KCNH1: variants seen among roughly 807,000 people sequenced by gnomAD.
The protein encoded by KCNH1 is voltage-gated delayed rectifier potassium channel KCNH1.
A neutral mutation model predicts 69.2 loss-of-function variants in KCNH1; 27 were observed. That is an observed-to-expected ratio of 0.39 (90% CI 0.29 to 0.54). The LOEUF is 0.54. Among genes scored for constraint, KCNH1 ranks in the 20% least tolerant of loss-of-function variants. KCNH1 has a pLI of 0.68. For missense variants in KCNH1, 798 were observed against 1,261.6 expected, an observed-to-expected ratio of 0.63 and a Z score of 5.57; for synonymous variants, 456 against 487.7, an observed-to-expected ratio of 0.93 and a Z score of 0.86.
At chr1:210,798,478 G>C (rs973249943) in intron 8 of KCNH1, among the ~76,000 whole-genome samples, 1 of 152,220 alleles carries the variant, frequency 6.6e-6, no homozygotes, top group African/African-American at 2.4e-5. Flanking sequence ...CAAAGGGGCA[G>C]GAGATGAGGA....
At chr1:210,989,076 G>C (rs994197989) in intron 6 of KCNH1, among the ~76,000 whole-genome samples, 3 of 152,172 alleles carry the variant, frequency 2.0e-5, no homozygotes, top group Non-Finnish European at 2.9e-5. Context: ...TTCCACATAT[G>C]AGTTGAATCA....
At chr1:210,987,030 C>A (rs1281304400) in intron 6 of KCNH1, among the ~76,000 whole-genome samples, 1 of 152,128 alleles carries the variant, frequency 6.6e-6, no homozygotes, top group Non-Finnish European at 1.5e-5. Flanking sequence ...TCATTTCATT[C>A]ATTTCATCTT....
At chr1:210,726,814 G>A (rs543267397) in intron 10 of KCNH1, among the ~76,000 whole-genome samples, 7 of 149,826 alleles carry the variant, frequency 4.7e-5, no homozygotes, top group African/African-American at 1.7e-4. Context: ...CCCCGGCGGG[G>A]GTGGGGTGGA....
intron 5 of KCNH1, among the ~76,000 whole-genome samples, chr1:211,075,811 G>T (rs76044415): frequency 0.016 from 2,484 of 152,348 alleles, 70 homozygotes; most frequent in African/African-American, 0.056. Context: ...GGGATCGGGG[G>T]ATTTCCCTTT....
chr1:210,828,354 G>T (rs1035665239), intron 7 of KCNH1, among the ~76,000 whole-genome samples: 1 of 152,068 alleles, frequency 6.6e-6, no homozygotes, highest in Non-Finnish European at 1.5e-5. Flanking sequence ...GTAATAAAAG[G>T]ATAAATAAGC....
intron 10 of KCNH1, among the ~76,000 whole-genome samples, chr1:210,774,716 A>G (rs759502117): frequency 5.9e-5 from 9 of 152,166 alleles, no homozygotes; most frequent in Non-Finnish European, 1.2e-4. Context: ...ATCCTCACAG[A>G]GATAGATGGA....
chr1:211,112,596 A>G (rs528293625), intron 1 of KCNH1, among the ~76,000 whole-genome samples: 127 of 152,104 alleles, frequency 8.3e-4, no homozygotes, highest in African/African-American at 2.9e-3. Context: ...GAATAGAATC[A>G]TCAGCCTATC....
intron 7 of KCNH1, among the ~76,000 whole-genome samples, chr1:210,846,438 C>T (rs1007109962): frequency 3.9e-5 from 6 of 151,984 alleles, no homozygotes; most frequent in African/African-American, 7.2e-5. Flanking sequence ...TATCTACAAC[C>T]ATCTGATCTT....
chr1:211,074,136 A>G (rs1690693770), intron 5 of KCNH1, among the ~76,000 whole-genome samples: 2 of 150,636 alleles, frequency 1.3e-5, no homozygotes, highest in African/African-American at 4.9e-5. Context: ...CTGAGTAACT[A>G]CTATGTGCCA....
At chr1:210,867,443 C>T (rs1255588371) in intron 7 of KCNH1, among the ~76,000 whole-genome samples, 2 of 151,588 alleles carry the variant, frequency 1.3e-5, no homozygotes, top group Non-Finnish European at 2.9e-5. Context: ...CCCACAGATA[C>T]TCCTCTGCTT....
At chr1:210,899,775 A>G (rs1686955991) in intron 7 of KCNH1, among the ~76,000 whole-genome samples, 1 of 152,212 alleles carries the variant, frequency 6.6e-6, no homozygotes, top group Non-Finnish European at 1.5e-5. Flanking sequence ...AGATGAGGAG[A>G]ATGAGCCTCA....
chr1:211,060,936 G>C (rs1354158425), intron 5 of KCNH1, among the ~76,000 whole-genome samples: 1 of 151,988 alleles, frequency 6.6e-6, no homozygotes, highest in Non-Finnish European at 1.5e-5. Context: ...AGAGGAGAAG[G>C]AAATACTTCC....
chr1:210,726,162 A>G (rs1259054167), intron 10 of KCNH1, among the ~76,000 whole-genome samples: 1 of 152,164 alleles, frequency 6.6e-6, no homozygotes, highest in Non-Finnish European at 1.5e-5. Context: ...GTCTCCCCGG[A>G]AGAGGCTACA....
At chr1:210,832,899 C>G in intron 7 of KCNH1, among the ~76,000 whole-genome samples, 1 of 57,874 alleles carries the variant, frequency 1.7e-5, no homozygotes, top group Non-Finnish European at 4.1e-5. Flanking sequence ...TGTTGCATTT[C>G]TCAAATACAT....
At chr1:211,105,424 T>TGATGAATAC (rs1370883910) in intron 2 of KCNH1, among the ~76,000 whole-genome samples, 14 of 152,350 alleles carry the variant, frequency 9.2e-5, no homozygotes, top group African/African-American at 3.4e-4. Flanking sequence ...TTATGTACTT[T>TGATGAATAC]TTCAGGCTGT....
intron 6 of KCNH1, among the ~76,000 whole-genome samples, chr1:210,990,738 A>G (rs1688921783): frequency 6.6e-6 from 1 of 152,260 alleles, no homozygotes; most frequent in African/African-American, 2.4e-5. Flanking sequence ...TTTATAAAAC[A>G]TCAACAGAAT....
intron 10 of KCNH1, among the ~76,000 whole-genome samples, chr1:210,747,613 A>G (rs1683188306): frequency 6.6e-6 from 1 of 150,710 alleles, no homozygotes; most frequent in Non-Finnish European, 1.5e-5. Flanking sequence ...TCCTAGGGGC[A>G]AACTGTGTAT....
chr1:210,905,046 G>T (rs560117547), intron 7 of KCNH1, among the ~76,000 whole-genome samples: 1 of 152,282 alleles, frequency 6.6e-6, no homozygotes, highest in Non-Finnish European at 1.5e-5. Flanking sequence ...CCTTAAGGAG[G>T]CAGAAGCAGA....
chr1:210,980,821 G>A (rs199956068), intron 6 of KCNH1, among the ~76,000 whole-genome samples: 1 of 13,392 alleles, frequency 7.5e-5, no homozygotes, highest in African/African-American at 6.6e-4. Context: ...ATTAGACAAT[G>A]TGTGTGTGTG....
Sources: allele counts gnomAD v4.1 joint callset (sites outside exome capture counted in the v4.1 genomes callset), GRCh38; gene constraint gnomAD v4.1.1; transcripts MANE v1.5; gene names NCBI Gene and HGNC (gene_info 2026-07-23, HGNC 2026-07-21).